TRHDE: variants seen among roughly 807,000 people sequenced by gnomAD.
The protein encoded by TRHDE is thyrotropin releasing hormone degrading enzyme.
A neutral mutation model predicts 125.7 loss-of-function variants in TRHDE; 72 were observed. The observed-to-expected ratio is 0.57, with a 90% CI of 0.47 to 0.70. TRHDE has a LOEUF of 0.70. TRHDE is among the 30% of genes least tolerant of loss of function. The pLI is 0.00. For missense variants in TRHDE, 1,110 were observed against 1,327.1 expected (o/e 0.84, Z 2.54); for synonymous variants, 509 against 509.1 (o/e 1.00, Z 0.00).
intron 6 of TRHDE, among the ~76,000 whole-genome samples, chr12:72,530,895 A>G (rs969937002): frequency 6.6e-6 from 1 of 152,080 alleles, no homozygotes; most frequent in Non-Finnish European, 1.5e-5. Flanking sequence ...TCTTTTGTCT[A>G]GAATATAAAC....
upstream of TRHDE, among the ~76,000 whole-genome samples, chr12:72,269,017 A>G (rs964076564): frequency 3.3e-5 from 5 of 152,126 alleles, no homozygotes; most frequent in African/African-American, 7.2e-5. Flanking sequence ...AATCAAACCT[A>G]TCTTGAATCC....
chr12:72,423,397 C>A (rs1272489497), intron 3 of TRHDE, among the ~76,000 whole-genome samples: 1 of 152,146 alleles, frequency 6.6e-6, no homozygotes, highest in East Asian at 1.9e-4. Flanking sequence ...GTTTGAGCTA[C>A]TTTTCTTCTC....
chr12:72,518,204 G>A (rs1878981020), intron 6 of TRHDE, among the ~76,000 whole-genome samples: 3 of 149,552 alleles, frequency 2.0e-5, no homozygotes, highest in South Asian at 2.1e-4. Context: ...TATCCTTGTT[G>A]ACTTTCTGTC....
intron 12 of TRHDE, chr12:72,611,349 A>G (rs1433287150): frequency 1.3e-5 from 2 of 153,336 alleles, no homozygotes; most frequent in Non-Finnish European, 2.9e-5. Context: ...GGAACAAGCA[A>G]ATCTCCTTCA....
At chr12:72,099,458 A>G (rs1223526542) in intron 1 of TRHDE, among the ~76,000 whole-genome samples, 2 of 152,188 alleles carry the variant, frequency 1.3e-5, no homozygotes, top group Non-Finnish European at 2.9e-5. Flanking sequence ...GGATTTTGAT[A>G]TGGTGACGAG....
At chr12:72,347,513 G>A (rs1222125904) in intron 2 of TRHDE, among the ~76,000 whole-genome samples, 1 of 152,052 alleles carries the variant, frequency 6.6e-6, no homozygotes, top group East Asian at 1.9e-4. Flanking sequence ...CTGGCTCTGT[G>A]TTTCTCATGA....
rs766032583 is a variant in TRHDE, at chr12:72,562,956, C to T, written c.1958C>T (p.Ala653Val). Residue 653 changes from alanine (A) to valine (V), a missense_variant, in exon 9 of 19, where the codon GCA becomes GTA. Ala to Val is a moderately conservative substitution (Grantham distance 64). This residue lies in a region of TRHDE where 527 missense variants were observed against 651.8 expected (regional missense o/e 0.81). Coordinates refer to ENST00000261180, the MANE Select transcript of TRHDE (RefSeq NM_013381.3). ...ATCACCATCTTGGGAAACACAACAGCAGAAAATAGAATAATAATTACCCAA... is the reference window on the plus strand; with the variant it reads ...ATCACCATCTTGGGAAACACAACAGTAGAAAATAGAATAATAATTACCCAA... ...PVITILGNTT[A>V]ENRIIITQQH... The T allele has an allele frequency of 6.2e-7, 1 of 1,610,354 alleles. No individual in the cohort carries two copies. Among genetic ancestry groups the T allele is most frequent in the Non-Finnish European group, 8.5e-7 (1 of 1,177,924 alleles).
chr12:72,637,444 C>G (rs1451424307), intron 15 of TRHDE, among the ~76,000 whole-genome samples: 1 of 151,928 alleles, frequency 6.6e-6, no homozygotes, highest in Non-Finnish European at 1.5e-5. Flanking sequence ...TTGATCCTTT[C>G]AAAAAACCAG....
At chr12:72,436,720 G>A (rs941805287) in intron 3 of TRHDE, among the ~76,000 whole-genome samples, 2 of 151,792 alleles carry the variant, frequency 1.3e-5, no homozygotes, top group Non-Finnish European at 2.9e-5. Context: ...CTGAAGAACC[G>A]AGAGTAATTT....
chr12:72,106,927 A>T (rs867993691), intron 2 of TRHDE, among the ~76,000 whole-genome samples: 1 of 152,088 alleles, frequency 6.6e-6, no homozygotes, highest in Non-Finnish European at 1.5e-5. Flanking sequence ...TACCATCTTC[A>T]AATAACAGAT....
intron 2 of TRHDE, among the ~76,000 whole-genome samples, chr12:72,156,325 C>T (rs2139325159): frequency 6.6e-6 from 1 of 152,338 alleles, no homozygotes; most frequent in Admixed American, 6.5e-5. Context: ...AGGGAATTCC[C>T]TGACCCCTTG....
At chr12:72,538,891 A>G (rs1459002508) in intron 6 of TRHDE, among the ~76,000 whole-genome samples, 1 of 150,900 alleles carries the variant, frequency 6.6e-6, no homozygotes, top group Admixed American at 6.7e-5. Context: ...CAATTTTCCA[A>G]ATTCCTTATC....
At chr12:72,233,911 C>T (rs1313273017) in intron 2 of TRHDE, among the ~76,000 whole-genome samples, 1 of 152,098 alleles carries the variant, frequency 6.6e-6, no homozygotes, top group Non-Finnish European at 1.5e-5. Flanking sequence ...TTTTCAATCA[C>T]CTAGCTCTAG....
chr12:72,153,005 G>A (rs1420792398), intron 2 of TRHDE, among the ~76,000 whole-genome samples: 2 of 152,106 alleles, frequency 1.3e-5, no homozygotes, highest in African/African-American at 4.8e-5. Flanking sequence ...GGTAGAATTC[G>A]GCTGTGAATC....
At position 72,380,778 on chromosome 12, in the gene TRHDE, C is replaced by CCTTG. The variant is rs1328581903; in HGVS notation, c.1315+2660_1315+2661insGCTT. On this transcript the variant is annotated intron_variant, in intron 3 of 18. Transcript: ENST00000261180. ...TCCTTCCTTCCTTGCTTCCTTCCTT[C>CCTTG]CTTCCTTCCTTCCTTCCTTCCTTCC... Among the ~76,000 whole-genome samples the CCTTG allele has an allele frequency of 7.1e-5, 9 of 125,968 alleles. No homozygotes were observed. In the South Asian group the frequency reaches 2.1e-3, roughly 30 times the overall value. The allele number at this position is 125,968 out of a possible 152,430, so 82.6% of individuals were successfully genotyped here.
At chr12:72,396,867 A>AT (rs1372225987) in intron 3 of TRHDE, among the ~76,000 whole-genome samples, 2 of 151,944 alleles carry the variant, frequency 1.3e-5, no homozygotes, top group Admixed American at 1.3e-4. Context: ...TGTACTTCTT[A>AT]TTTTCCCAAT....
At chr12:72,279,721 A>C (rs188023364) in intron 1 of TRHDE, among the ~76,000 whole-genome samples, 1,749 of 152,264 alleles carry the variant, frequency 0.011, 26 homozygotes, top group African/African-American at 0.04. Flanking sequence ...AAGGGTGAAG[A>C]ACCCAGGCTC....
rs10642447 is a variant in TRHDE at position 72,300,365 on chromosome 12, T to TACACAC, written c.1188+13441_1188+13446dup. 4.2e-3 allele frequency among the ~76,000 whole-genome samples: 430 copies of TACACAC among 102,734 alleles called. 3 individuals carry two copies. The highest frequency in any genetic ancestry group is 0.013 in the African/African-American group (393 of 29,264). 67.4% of individuals were successfully genotyped at this position (102,734 alleles called of 152,430 possible). On this transcript the variant is annotated intron_variant, in intron 2 of 18. Transcript: ENST00000261180. ...CACACTCATATAAAATATATGTGTA[T>TACACAC]ACACACACACACACACACACACACA...
In TRHDE at chr12:72,670,151, A is replaced by G. The variant is rs1265799280; in HGVS notation, c.*6956A>G. The G allele has an allele frequency of 6.6e-6, 1 of 151,824 alleles. No individual in the cohort carries two copies. Among genetic ancestry groups the G allele is most frequent in the Non-Finnish European group, 1.5e-5 (1 of 67,832 alleles). The allele number at this position is 151,824 out of a possible 1,614,324, so 9.4% of individuals were successfully genotyped here. On this transcript the variant is annotated 3_prime_UTR_variant, in exon 19 of 19. Transcript: ENST00000261180. ...AACAGGCTTATTTAAAATATGTCAT[A>G]TAAAAGCACTTTTCCTTTCTAACAT... is the stretch of plus-strand genomic sequence containing the variant.
Sources: allele counts gnomAD v4.1 joint callset (sites outside exome capture counted in the v4.1 genomes callset), GRCh38; gene constraint gnomAD v4.1.1; regional missense constraint gnomAD v4.1.1; transcripts MANE v1.5; gene names NCBI Gene and HGNC (gene_info 2026-07-23, HGNC 2026-07-21).